The following MCF2L variants were observed in gnomAD, a reference collection of about 807,000 sequenced individuals.
MCF2L encodes the protein MCF.2 cell line derived transforming sequence like.
In MCF2L, 97 loss-of-function variants were observed where a neutral mutation model predicts 153.4. That is an observed-to-expected ratio of 0.63 (90% confidence interval 0.54 to 0.75). MCF2L has a LOEUF of 0.75. Ranked by LOEUF, MCF2L falls within the 30% of genes least tolerant of loss-of-function variation. MCF2L has a pLI of 0.00. For missense variants in MCF2L, 1,347 were observed against 1,495.2 expected, an observed-to-expected ratio of 0.90 and a Z score of 1.64; for synonymous variants, 659 against 632.2, an observed-to-expected ratio of 1.04 and a Z score of -0.64.
chr13:112,908,271 C>T (rs946308424), intron 2 of MCF2L, among the ~76,000 whole-genome samples: 1 of 152,208 alleles, frequency 6.6e-6, no homozygotes, highest in Non-Finnish European at 1.5e-5. Context: ...GGTGGACCAC[C>T]GCCCCAGCTT....
intron 1 of MCF2L, among the ~76,000 whole-genome samples, chr13:113,011,934 G>T (rs1375105252): frequency 8.9e-6 from 1 of 111,852 alleles, no homozygotes; most frequent in Non-Finnish European, 1.9e-5. Flanking sequence ...TGGACAGGCG[G>T]TGTGGATGGT....
At chr13:112,998,903 T>C (rs1021318449) in intron 1 of MCF2L, among the ~76,000 whole-genome samples, 5 of 152,182 alleles carry the variant, frequency 3.3e-5, no homozygotes, top group African/African-American at 4.8e-5. Flanking sequence ...GGCCTTGACT[T>C]GGTCAGCAGG....
chr13:113,050,628 TGGGG>T (rs2087181818), intron 4 of MCF2L, among the ~76,000 whole-genome samples: 1 of 111,156 alleles, frequency 9.0e-6, no homozygotes, highest in African/African-American at 3.4e-5. Context: ...GAGCTCACCG[TGGGG>T]GCGGTGGGGG....
rs572925247 is a variant in MCF2L, at chr13:112,933,108, A to G, written c.169+30737A>G. On this transcript the variant is annotated intron_variant, in intron 2 of 29. Coordinates refer to the MCF2L transcript ENST00000375608. ...AAGAAACGAACTTAACCACAAGCTG[A>G]GGAGCAGGAGTGCTGGGCCGACAGC... Among the ~76,000 whole-genome samples, 3 of 152,358 alleles carry G rather than the reference A, an allele frequency of 2.0e-5. No homozygotes were observed. The South Asian group carries it at 6.2e-4, about 32-fold the overall frequency.
intron 25 of MCF2L, among the ~76,000 whole-genome samples, chr13:113,089,314 C>T (rs4497563): frequency 0.086 from 2,099 of 24,348 alleles, 215 homozygotes; most frequent in African/African-American, 0.14. Context: ...TCTCATCCAG[C>T]CCGTCTGGGT....
chr13:113,014,754 T>C lies in MCF2L; in HGVS notation c.80-9T>C. On this transcript the variant is annotated splice_polypyrimidine_tract_variant and intron_variant, in intron 1 of 29. Transcript: ENST00000535094. ...GGACTGACACGTGCCGTCTGCTCTT[T>C]CCGTGCAGATGAAATCATGCACCAG... 1 of 1,611,858 alleles carries C rather than the reference T, an allele frequency of 6.2e-7. No individual in the cohort carries two copies. Among genetic ancestry groups the C allele is most frequent in the Non-Finnish European group, 8.5e-7 (1 of 1,178,096 alleles).
intron 1 of MCF2L, among the ~76,000 whole-genome samples, chr13:113,014,183 G>A (rs1296466136): frequency 2.0e-5 from 3 of 152,212 alleles, no homozygotes; most frequent in Non-Finnish European, 2.9e-5. Context: ...CTGCTGGGTG[G>A]GGGGATGGGT....
chr13:112,901,964 C>T (rs914737149), intron 1 of MCF2L, among the ~76,000 whole-genome samples: 2 of 152,158 alleles, frequency 1.3e-5, no homozygotes, highest in Non-Finnish European at 2.9e-5. Flanking sequence ...ATGTTTTGCT[C>T]CTGCGACCCT....
rs1157491263 is a variant in MCF2L, at chr13:113,087,802, G to A, written c.2688+3G>A. 2 of 1,613,458 alleles carry A rather than the reference G, an allele frequency of 1.2e-6. No homozygotes were observed. The highest frequency in any genetic ancestry group is 2.2e-5 in the South Asian group (2 of 91,068). Reference sequence around the variant, plus strand: ...GCGAGGAGGTCTACATCGTCCAGGTGGGCCACCCACCCTACCCCTGGCCTC... The same window carrying A: ...GCGAGGAGGTCTACATCGTCCAGGTAGGCCACCCACCCTACCCCTGGCCTC... On this transcript the variant is annotated splice_donor_region_variant and intron_variant, in intron 23 of 29. Coordinates refer to ENST00000535094, the MANE Select transcript of MCF2L (RefSeq NM_001112732.3).
intron 9 of MCF2L, among the ~76,000 whole-genome samples, chr13:113,072,647 A>G (rs2033035313): frequency 1.3e-5 from 2 of 152,158 alleles, no homozygotes; most frequent in South Asian, 4.1e-4. Context: ...GGTTGTTTAT[A>G]GTATTCTTTC....
intron 3 of MCF2L, 95 bp downstream of exon 3, chr13:113,024,853 C>T: frequency 3.1e-6 from 3 of 953,876 alleles, no homozygotes; most frequent in Non-Finnish European, 5.0e-6. Flanking sequence ...TGGGATGAGG[C>T]AGAGTCCCTG....
chr13:112,958,320 G>T (rs117361297), intron 2 of MCF2L, among the ~76,000 whole-genome samples: 1 of 152,244 alleles, frequency 6.6e-6, no homozygotes, highest in Admixed American at 6.5e-5. Flanking sequence ...ACCCACGCAG[G>T]ATTTCCATGT....
chr13:113,004,215 T>C (rs1223772096), intron 1 of MCF2L, among the ~76,000 whole-genome samples: 5 of 152,142 alleles, frequency 3.3e-5, no homozygotes, highest in Admixed American at 6.5e-5. Context: ...CCCTACTACA[T>C]AGAGGCCACC....
upstream of MCF2L, chr13:112,968,439 G>A: frequency 6.3e-7 from 1 of 1,585,750 alleles, no homozygotes; most frequent in Non-Finnish European, 8.5e-7. Context: ...CGTGTGTCGA[G>A]TGCACAGTGT....
chr13:112,955,704 C>A (rs963732204), intron 2 of MCF2L, among the ~76,000 whole-genome samples: 8 of 152,156 alleles, frequency 5.3e-5, no homozygotes, highest in African/African-American at 1.9e-4. Context: ...TGTTTCCATT[C>A]CCCAAAAGAG....
At chr13:112,928,259 C>T (rs2081428040) in intron 2 of MCF2L, among the ~76,000 whole-genome samples, 1 of 152,222 alleles carries the variant, frequency 6.6e-6, no homozygotes. Context: ...TGCACCGTTT[C>T]TGATGTTTTT....
intron 3 of MCF2L, chr13:113,044,465 T>A: frequency 4.9e-6 from 3 of 607,440 alleles, no homozygotes; most frequent in Non-Finnish European, 8.4e-6. Context: ...GAATTCTGAT[T>A]TTCATGTAAA....
At chr13:113,085,689 G>C (rs1289994876) in intron 20 of MCF2L, among the ~76,000 whole-genome samples, 232 of 94,472 alleles carry the variant, frequency 2.5e-3, no homozygotes, top group Middle Eastern at 0.023. Flanking sequence ...GAGCAGGTGC[G>C]AGGGGTTTGC....
Position 113,060,591 on chromosome 13 carries a change from A to G in MCF2L, c.370-2A>G. 6.2e-7 allele frequency: 1 copy of G among 1,612,810 alleles called. No individual in the cohort carries two copies. The highest frequency in any genetic ancestry group is 8.5e-7 in the Non-Finnish European group (1 of 1,179,942). ...GCCCTTGTCTCTCGCCCTCTCTCAC[A>G]GGCATCTTTCCCGGCAAACCTGCAG... On this transcript the variant is annotated splice_acceptor_variant, in intron 4 of 29. Coordinates refer to ENST00000535094, the MANE Select transcript of MCF2L (RefSeq NM_001112732.3). LOFTEE classifies it high-confidence loss of function.
Sources: gnomAD v4.1 joint callset for allele counts (sites outside exome capture counted in the v4.1 genomes callset) on GRCh38, gnomAD v4.1.1 for gene constraint, MANE v1.5 for transcripts, NCBI Gene and HGNC (gene_info 2026-07-23, HGNC 2026-07-21) for gene names.